The following TOPAZ1 variants were observed in gnomAD, a reference collection of about 807,000 sequenced individuals.
TOPAZ1 encodes the protein testis and ovary specific TOPAZ 1.
In TOPAZ1, 66 loss-of-function variants were observed where a neutral mutation model predicts 172.2. The ratio of observed to expected loss-of-function variants is 0.38; its 90% CI spans 0.31 to 0.47. The LOEUF is 0.47. Ranked by LOEUF, TOPAZ1 falls within the 20% of genes least tolerant of loss-of-function variation. The probability of loss-of-function intolerance (pLI) is 0.99; values close to 1 mark genes in which losing one functional copy is unlikely to be tolerated. For synonymous variants in TOPAZ1, 681 were observed against 683.9 expected, an observed-to-expected ratio of 1.00 and a Z score of 0.07; for missense variants, 1,822 against 1,972.4, an observed-to-expected ratio of 0.92 and a Z score of 1.44.
In TOPAZ1 at chr3:44,256,414, G is replaced by T. The variant is rs998921061; in HGVS notation, c.2955+136G>T. 3 of 788,694 alleles carry T rather than the reference G, an allele frequency of 3.8e-6. No homozygotes were observed. In the African/African-American group the frequency reaches 5.5e-5, roughly 14 times the overall value. 48.9% of individuals were successfully genotyped at this position (788,694 alleles called of 1,614,324 possible). ...AAAAGAATCACGTCACTCTAGCCATGGGATGTATCCCTTGATACTTGGTGT... is the reference window on the plus strand; with the variant it reads ...AAAAGAATCACGTCACTCTAGCCATTGGATGTATCCCTTGATACTTGGTGT... On this transcript the variant is annotated intron_variant, in intron 4 of 19. Coordinates refer to ENST00000309765, the MANE Select transcript of TOPAZ1 (RefSeq NM_001145030.2).
intron 16 of TOPAZ1, among the ~76,000 whole-genome samples, chr3:44,319,214 GT>G (rs1281066584): frequency 6.6e-6 from 1 of 152,032 alleles, no homozygotes; most frequent in African/African-American, 2.4e-5. Context: ...CACTGAACAG[GT>G]TTTTAAAAAA....
rs1268199250 is a variant in TOPAZ1, at chr3:44,287,637, T to C, written c.3588+97T>C. 13 of 1,065,936 alleles carry C rather than the reference T, an allele frequency of 1.2e-5. No homozygotes were observed. In the East Asian group the frequency reaches 3.1e-4, roughly 26 times the overall value. 66.0% of individuals were successfully genotyped at this position (1,065,936 alleles called of 1,614,324 possible). ...TTAGCAGTTGAATTTCTGTATTTGT[T>C]GAATACTTCCTAGAAACCACTTGTG... is the stretch of plus-strand genomic sequence containing the variant. On this transcript the variant is annotated intron_variant, in intron 10 of 19. Coordinates refer to ENST00000309765, the MANE Select transcript of TOPAZ1 (RefSeq NM_001145030.2).
Position 44,297,542 on chromosome 3 carries a change from A to G in TOPAZ1, c.3798-6473A>G, listed in dbSNP as rs189041521. On this transcript the variant is annotated intron_variant, in intron 12 of 19. Coordinates refer to ENST00000309765, the MANE Select transcript of TOPAZ1 (RefSeq NM_001145030.2). ...AACCTACAGCAAATATTATATTTAG[A>G]TGAAAGACTGGATGCTTCTTCCTAA... is the stretch of plus-strand genomic sequence containing the variant. Among the ~76,000 whole-genome samples, 628 of 152,332 alleles carry G rather than the reference A, an allele frequency of 4.1e-3. 8 individuals carry two copies. Among genetic ancestry groups the G allele is most frequent in the African/African-American group, 0.014 (600 of 41,568 alleles).
intron 19 of TOPAZ1, among the ~76,000 whole-genome samples, chr3:44,329,537 C>T (rs1700640674): frequency 1.3e-5 from 2 of 152,148 alleles, no homozygotes; most frequent in Non-Finnish European, 2.9e-5. Flanking sequence ...CTATATCAAG[C>T]AAGAACTGTG....
intron 8 of TOPAZ1, among the ~76,000 whole-genome samples, chr3:44,277,969 A>G (rs1285845944): frequency 6.6e-6 from 1 of 152,168 alleles, no homozygotes; most frequent in Non-Finnish European, 1.5e-5. Flanking sequence ...TTTCTTTGTA[A>G]ATTACCCAGT....
Position 44,241,893 on chromosome 3 carries a change from C to T in TOPAZ1, c.-161C>T, listed in dbSNP as rs1485340313. The T allele has an allele frequency of 4.3e-6, 3 of 696,032 alleles. No homozygotes were observed. The highest frequency in any genetic ancestry group is 3.8e-5 in the African/African-American group (2 of 52,288). The allele number at this position is 696,032 out of a possible 1,614,324, so 43.1% of individuals were successfully genotyped here. ...CCCCAGACACGAGGCCCCACTTCCG[C>T]TTACGCGCCCCACTTCCGCTTCCGG... On this transcript the variant is annotated 5_prime_UTR_variant, in exon 1 of 20. Transcript: ENST00000309765.
chr3:44,269,471 C>CTTTTTTTTTTTTTT lies in TOPAZ1; in HGVS notation c.3246+188_3246+201dup, dbSNP rs71085612. Among the ~76,000 whole-genome samples, 115 of 33,934 alleles carry CTTTTTTTTTTTTTT rather than the reference C, an allele frequency of 3.4e-3. 10 individuals are homozygous for CTTTTTTTTTTTTTT. Among genetic ancestry groups the CTTTTTTTTTTTTTT allele is most frequent in the African/African-American group, 6.7e-3 (41 of 6,122 alleles). 22.3% of individuals were successfully genotyped at this position (33,934 alleles called of 152,430 possible). ...CCTTTTGATTGTATTTCCCTATCAT[C>CTTTTTTTTTTTTTT]TTTTTTTTTTTTTTTTTTTTTTTTT... On this transcript the variant is annotated intron_variant, in intron 7 of 19. Coordinates refer to ENST00000309765, the MANE Select transcript of TOPAZ1 (RefSeq NM_001145030.2).
At chr3:44,274,007 C>G (rs1158459304) in intron 8 of TOPAZ1, among the ~76,000 whole-genome samples, 2 of 152,030 alleles carry the variant, frequency 1.3e-5, no homozygotes, top group Non-Finnish European at 2.9e-5. Flanking sequence ...AGGCCCAGCG[C>G]GGTGGCTCAT....
At chr3:44,246,375 T>G (rs1407480157) in intron 2 of TOPAZ1, among the ~76,000 whole-genome samples, 1 of 152,200 alleles carries the variant, frequency 6.6e-6, no homozygotes, top group East Asian at 1.9e-4. Context: ...CAAAGAAAAA[T>G]GAAAACACTT....
Position 44,243,050 on chromosome 3 carries a change from C to A in TOPAZ1, c.544C>A (p.Pro182Thr). Reference sequence around the variant, plus strand: ...AAAACTTAAAAGCTTAGAAAACCCACCTCTCAAAATAACCGAAAATGAGGC... The same window carrying A: ...AAAACTTAAAAGCTTAGAAAACCCAACTCTCAAAATAACCGAAAATGAGGC... The part of the protein sequence containing the change: ...NKKLKSLENP[P>T]LKITENEATQ... The change falls in exon 2 of 20, where the codon CCT becomes ACT. Residue 182 changes from proline to threonine, a missense_variant. Physicochemically the swap from Pro to Thr is conservative, Grantham distance 38 (BLOSUM62 -1). Coordinates refer to ENST00000309765, the MANE Select transcript of TOPAZ1 (RefSeq NM_001145030.2). 6.5e-7 allele frequency: 1 copy of A among 1,544,406 alleles called. No homozygotes were observed. The highest frequency in any genetic ancestry group is 8.7e-7 in the Non-Finnish European group (1 of 1,145,222).
At chr3:44,317,385 C>G (rs1700462975) in intron 16 of TOPAZ1, among the ~76,000 whole-genome samples, 1 of 152,104 alleles carries the variant, frequency 6.6e-6, no homozygotes, top group South Asian at 2.1e-4. Context: ...CGCGGCACTG[C>G]ACTTCAGCCT....
chr3:44,250,065 A>G (rs1699612312), intron 2 of TOPAZ1, among the ~76,000 whole-genome samples: 1 of 152,084 alleles, frequency 6.6e-6, no homozygotes, highest in Non-Finnish European at 1.5e-5. Context: ...AAAGCCTACC[A>G]CTTTTGCCCA....
At chr3:44,286,274 T>G (rs988267446) in intron 9 of TOPAZ1, among the ~76,000 whole-genome samples, 1 of 152,162 alleles carries the variant, frequency 6.6e-6, no homozygotes, top group African/African-American at 2.4e-5. Context: ...TAGTGGACTA[T>G]TTACACACTG....
At chr3:44,304,183 A>G in intron 13 of TOPAZ1, 102 bp downstream of exon 13, 2 of 658,412 alleles carry the variant, frequency 3.0e-6, no homozygotes, top group East Asian at 3.0e-5. Context: ...AGTTTTAGAA[A>G]TGTGGCTGTT....
At chr3:44,278,982 C>CCCTTTTAGAATAGTTGTTG (rs1331675157) in intron 8 of TOPAZ1, among the ~76,000 whole-genome samples, 1 of 151,936 alleles carries the variant, frequency 6.6e-6, no homozygotes, top group Non-Finnish European at 1.5e-5. Context: ...CTATAAACTT[C>CCCTTTTAGAATAGTTGTTG]CCTTTTAGAA....
rs1559541908 is a variant in TOPAZ1, at chr3:44,298,920, T to TG, written c.3798-5095_3798-5094insG. On this transcript the variant is annotated intron_variant, in intron 12 of 19. Transcript: ENST00000309765. ...ATATATATATATATATTTTTTTTTT[T>TG]TTTTTTTTTTTTTTCCCCCTGAGAT... 6.8e-4 allele frequency among the ~76,000 whole-genome samples: 39 copies of TG among 57,024 alleles called. 2 individuals carry two copies. Among genetic ancestry groups the TG allele is most frequent in the African/African-American group, 2.0e-3 (33 of 16,514 alleles). The allele number at this position is 57,024 out of a possible 152,430, so 37.4% of individuals were successfully genotyped here.
At chr3:44,242,443 C>T (rs550279740) in intron 1 of TOPAZ1, 44 bp downstream of exon 1, 1 of 1,530,084 alleles carries the variant, frequency 6.5e-7, no homozygotes, top group East Asian at 2.5e-5. Flanking sequence ...CCTTGTACCT[C>T]AGCGTGCTCC....
chr3:44,244,963 T>G lies in TOPAZ1; in HGVS notation c.2457T>G (p.Pro819=). 3.2e-6 allele frequency: 5 copies of G among 1,551,750 alleles called. No homozygotes were observed. Among genetic ancestry groups the G allele is most frequent in the Non-Finnish European group, 3.5e-6 (4 of 1,147,006 alleles). Residue 819 remains proline, a synonymous_variant, in exon 2 of 20, where the codon CCT becomes CCG. Coordinates refer to ENST00000309765, the MANE Select transcript of TOPAZ1 (RefSeq NM_001145030.2). The part of the protein sequence containing the change: ...SCDPGYVEKS[P]SFCCNEQETF... ...ATCCTGGGTATGTAGAGAAAAGTCC[T>G]TCCTTCTGCTGTAATGAACAAGAAA...
At chr3:44,300,520 A>G (rs1327585656) in intron 12 of TOPAZ1, among the ~76,000 whole-genome samples, 2 of 152,260 alleles carry the variant, frequency 1.3e-5, no homozygotes, top group Non-Finnish European at 2.9e-5. Context: ...AAATAAGTTC[A>G]ACATTGTTAG....
Sources: gnomAD v4.1 joint callset for allele counts (sites outside exome capture counted in the v4.1 genomes callset) on GRCh38, gnomAD v4.1.1 for gene constraint, MANE v1.5 for transcripts, NCBI Gene and HGNC (gene_info 2026-07-23, HGNC 2026-07-21) for gene names.